Variants in TFDP2 observed in about 807,000 individuals in gnomAD.
TFDP2 encodes the protein transcription factor Dp-2, also known as transcription factor Dp-2 (E2F dimerization partner 2).
In TFDP2, 17 loss-of-function variants were observed where a neutral mutation model predicts 59.3. The observed-to-expected ratio is 0.29, with a 90% CI of 0.20 to 0.43. The LOEUF is 0.43. TFDP2 is among the 20% of genes least tolerant of loss of function. The pLI is 1.00. For synonymous variants in TFDP2, 180 were observed against 194.7 expected (o/e 0.92, Z 0.63); for missense variants, 391 against 528.8 (o/e 0.74, Z 2.56).
chr3:142,053,309 G>C (rs937645570), intron 3 of TFDP2, among the ~76,000 whole-genome samples: 2 of 152,068 alleles, frequency 1.3e-5, no homozygotes, highest in Non-Finnish European at 2.9e-5. Context: ...CATCCCTATG[G>C]TAATGAGTAG....
chr3:142,035,685 T>C (rs958284227), intron 3 of TFDP2, among the ~76,000 whole-genome samples: 2 of 152,180 alleles, frequency 1.3e-5, no homozygotes, highest in Non-Finnish European at 2.9e-5. Context: ...AATTGAATCA[T>C]GGGGGCAGGT....
chr3:142,133,028 G>T (rs918116717), intron 1 of TFDP2, among the ~76,000 whole-genome samples: 2 of 149,622 alleles, frequency 1.3e-5, no homozygotes, highest in Admixed American at 6.6e-5. Flanking sequence ...AAACATGTAA[G>T]AATAACAGGA....
intron 3 of TFDP2, among the ~76,000 whole-genome samples, chr3:142,055,978 G>A (rs2059728198): frequency 8.6e-6 from 1 of 116,152 alleles, no homozygotes; most frequent in Non-Finnish European, 1.6e-5. Flanking sequence ...TTTTGAGACA[G>A]AGTCTCGCTC....
At chr3:142,104,360 T>C (rs931873918) in intron 1 of TFDP2, among the ~76,000 whole-genome samples, 1 of 152,206 alleles carries the variant, frequency 6.6e-6, no homozygotes, top group Non-Finnish European at 1.5e-5. Context: ...TGTTAAGTAT[T>C]GCATTTTGAA....
chr3:141,993,722 G>T, intron 5 of TFDP2, 137 bp from the exon 6 acceptor site: 2 of 464,056 alleles, frequency 4.3e-6, no homozygotes, highest in Non-Finnish European at 3.9e-6. Context: ...CAAAAGATAG[G>T]TACATAAAAT....
At chr3:141,978,166 G>A (rs1296525870) in intron 7 of TFDP2, among the ~76,000 whole-genome samples, 1 of 151,698 alleles carries the variant, frequency 6.6e-6, no homozygotes, top group Non-Finnish European at 1.5e-5. Context: ...CCAACATGGT[G>A]AAACACTGTC....
chr3:141,984,578 T>C (rs1459538797), intron 6 of TFDP2, among the ~76,000 whole-genome samples: 3 of 152,060 alleles, frequency 2.0e-5, no homozygotes, highest in East Asian at 1.9e-4. Flanking sequence ...AACAGAGGGA[T>C]TGTGGGGGAG....
At chr3:142,075,986 G>A (rs56335846) in intron 3 of TFDP2, among the ~76,000 whole-genome samples, 12,745 of 150,844 alleles carry the variant, frequency 0.084, 684 homozygotes, top group Middle Eastern at 0.14. Context: ...TGAGGCGGGC[G>A]GATCACCTGA....
At chr3:142,009,249 A>G (rs1944449939) in intron 3 of TFDP2, among the ~76,000 whole-genome samples, 1 of 152,204 alleles carries the variant, frequency 6.6e-6, no homozygotes, top group Admixed American at 6.5e-5. Context: ...ACTTCCTGCA[A>G]TACAGTTTAA....
chr3:141,991,196 C>A (rs1311819688), intron 6 of TFDP2, among the ~76,000 whole-genome samples: 1 of 152,118 alleles, frequency 6.6e-6, no homozygotes, highest in Non-Finnish European at 1.5e-5. Flanking sequence ...TTTCCAGGCA[C>A]GTAACTAGAA....
At chr3:142,052,366 C>T (rs187128664) in intron 3 of TFDP2, among the ~76,000 whole-genome samples, 3,283 of 103,932 alleles carry the variant, frequency 0.032, 130 homozygotes, top group African/African-American at 0.12. Context: ...TGAAACCCTG[C>T]CTCTACTAAA....
intron 7 of TFDP2, among the ~76,000 whole-genome samples, chr3:141,978,166 G>C (rs1296525870): frequency 6.6e-6 from 1 of 151,698 alleles, no homozygotes; most frequent in Non-Finnish European, 1.5e-5. Context: ...CCAACATGGT[G>C]AAACACTGTC....
intron 3 of TFDP2, among the ~76,000 whole-genome samples, chr3:142,060,500 G>T (rs1458630325): frequency 6.6e-6 from 1 of 152,170 alleles, no homozygotes; most frequent in African/African-American, 2.4e-5. Context: ...CACTATGCTA[G>T]GTACAAGTCC....
intron 3 of TFDP2, among the ~76,000 whole-genome samples, chr3:142,088,455 C>A (rs2060882006): frequency 6.6e-6 from 1 of 151,770 alleles, no homozygotes; most frequent in Admixed American, 6.6e-5. Flanking sequence ...CTCTGCCACC[C>A]GAGTAGCTGG....
intron 3 of TFDP2, among the ~76,000 whole-genome samples, chr3:142,012,953 AT>A (rs1184281297): frequency 6.6e-6 from 1 of 152,136 alleles, no homozygotes; most frequent in Non-Finnish European, 1.5e-5. Context: ...CCTGATCAAC[AT>A]GGTGAAACCC....
chr3:141,954,686 T>C (rs1448211652), intron 11 of TFDP2, among the ~76,000 whole-genome samples: 2 of 151,932 alleles, frequency 1.3e-5, no homozygotes, highest in Admixed American at 1.3e-4. Flanking sequence ...ATAGTCTCTG[T>C]CAGCTGCCAC....
chr3:142,044,272 T>C (rs1320608031), intron 3 of TFDP2: 3 of 209,068 alleles, frequency 1.4e-5, no homozygotes, highest in Non-Finnish European at 2.7e-5. Context: ...TCTCGCTCTG[T>C]CGCCAGGCTG....
chr3:142,141,849 T>C (rs2062975419), intron 1 of TFDP2, among the ~76,000 whole-genome samples: 1 of 150,086 alleles, frequency 6.7e-6, no homozygotes, highest in Non-Finnish European at 1.5e-5. Context: ...CAAAAGAGCA[T>C]GAAATATGTT....
intron 3 of TFDP2, among the ~76,000 whole-genome samples, chr3:142,086,798 T>G (rs969750410): frequency 6.6e-6 from 1 of 152,108 alleles, no homozygotes; most frequent in Non-Finnish European, 1.5e-5. Context: ...AGGGTAGAGC[T>G]GAAAGCTTCA....
Sources: allele counts gnomAD v4.1 joint callset (sites outside exome capture counted in the v4.1 genomes callset), GRCh38; gene constraint gnomAD v4.1.1; transcripts MANE v1.5; gene names NCBI Gene and HGNC (gene_info 2026-07-23, HGNC 2026-07-21).